Variants in ACKR2 observed in about 807,000 individuals in gnomAD.
The protein encoded by ACKR2 is C-C chemokine receptor D6.
For missense variants in ACKR2, 457 were observed against 477.3 expected (o/e 0.96, Z 0.40); for synonymous variants, 207 against 192.2 (o/e 1.08, Z -0.64).
intron 2 of ACKR2, among the ~76,000 whole-genome samples, chr3:42,858,631 CA>C (rs60893201): frequency 0.37 from 56,447 of 151,734 alleles, 11,296 homozygotes; most frequent in East Asian, 0.67. Context: ...CAAATGATCA[CA>C]ACTCCTTGCA....
At chr3:42,824,199 C>T (rs1700838204) in intron 2 of ACKR2, among the ~76,000 whole-genome samples, 1 of 152,090 alleles carries the variant, frequency 6.6e-6, no homozygotes, top group South Asian at 2.1e-4. Flanking sequence ...GGATACTCAA[C>T]CTATAATACC....
intron 2 of ACKR2, among the ~76,000 whole-genome samples, chr3:42,825,177 T>A (rs1220071350): frequency 6.6e-6 from 1 of 152,206 alleles, no homozygotes; most frequent in Non-Finnish European, 1.5e-5. Context: ...AAAGTTGTTT[T>A]GGCTATTCTG....
chr3:42,855,091 A>G (rs1362939376), intron 2 of ACKR2, among the ~76,000 whole-genome samples: 1 of 152,090 alleles, frequency 6.6e-6, no homozygotes, highest in African/African-American at 2.4e-5. Context: ...TCCTGACCTC[A>G]GGTGATCCAC....
At chr3:42,841,816 A>G (rs949619013) in intron 2 of ACKR2, 3 of 152,314 alleles carry the variant, frequency 2.0e-5, no homozygotes, top group African/African-American at 7.2e-5. Flanking sequence ...TGGGCTGGGT[A>G]GTCCAGGAAC....
chr3:42,856,081 G>A lies in ACKR2; in HGVS notation c.-37-8385G>A, dbSNP rs867297891. On this transcript the variant is annotated intron_variant, in intron 2 of 2. Coordinates refer to ENST00000422265, the MANE Select transcript of ACKR2 (RefSeq NM_001296.5). Reference sequence around the variant, plus strand: ...GCTCCCAGCACCAGCCATGTGCTAGGAGTGTCCTTACTGCTGCCCAGAAAA... The same window carrying A: ...GCTCCCAGCACCAGCCATGTGCTAGAAGTGTCCTTACTGCTGCCCAGAAAA... 24 of 380,818 alleles carry A rather than the reference G, an allele frequency of 6.3e-5. No individual in the cohort carries two copies. In the South Asian group the frequency reaches 1.4e-3, roughly 22 times the overall value. 23.6% of individuals were successfully genotyped at this position (380,818 alleles called of 1,614,324 possible).
In ACKR2 at chr3:42,861,038, G is replaced by A. The variant is rs571181154; in HGVS notation, c.-37-3428G>A. The stretch of plus-strand genomic sequence containing the variant: ...AGAGCAGAACTGAAGGAGAGAGAGA[G>A]ATGAAAAACCCTTCAAAAAATCAAT... On this transcript the variant is annotated intron_variant, in intron 2 of 2. Coordinates refer to ENST00000422265, the MANE Select transcript of ACKR2 (RefSeq NM_001296.5). 2.6e-5 allele frequency among the ~76,000 whole-genome samples: 4 copies of A among 151,182 alleles called. No individual in the cohort carries two copies. In the East Asian group the frequency reaches 5.8e-4, roughly 22 times the overall value.
intron 1 of ACKR2, among the ~76,000 whole-genome samples, chr3:42,819,321 A>G (rs1012458268): frequency 1.3e-5 from 2 of 152,206 alleles, no homozygotes; most frequent in African/African-American, 4.8e-5. Context: ...CTATATTTGT[A>G]TAAGTATGGG....
At chr3:42,842,036 G>C (rs533270243) in intron 2 of ACKR2, among the ~76,000 whole-genome samples, 5 of 152,166 alleles carry the variant, frequency 3.3e-5, no homozygotes, top group African/African-American at 1.2e-4. Flanking sequence ...TGACCCTACC[G>C]CTTCATAGGG....
intron 2 of ACKR2, among the ~76,000 whole-genome samples, chr3:42,825,605 G>A (rs1012215235): frequency 3.3e-5 from 5 of 151,314 alleles, no homozygotes; most frequent in African/African-American, 1.2e-4. Context: ...GTGTGTGCGT[G>A]TGTGTGTGTG....
intron 2 of ACKR2, among the ~76,000 whole-genome samples, chr3:42,823,106 T>A (rs1193236928): frequency 6.6e-6 from 1 of 152,234 alleles, no homozygotes; most frequent in African/African-American, 2.4e-5. Context: ...CCACATGGTC[T>A]AGGCTGTGCC....
intron 2 of ACKR2, among the ~76,000 whole-genome samples, chr3:42,863,665 G>A (rs1575394517): frequency 6.6e-6 from 1 of 152,302 alleles, no homozygotes; most frequent in Non-Finnish European, 1.5e-5. Flanking sequence ...ACACAGCATG[G>A]AATACTATGC....
intron 2 of ACKR2, among the ~76,000 whole-genome samples, chr3:42,820,367 A>G (rs1043462147): frequency 6.6e-6 from 1 of 152,096 alleles, no homozygotes; most frequent in Admixed American, 6.5e-5. Flanking sequence ...TCTGAGGCGG[A>G]TGGATCACGA....
chr3:42,846,125 A>G (rs922539244), intron 2 of ACKR2, among the ~76,000 whole-genome samples: 1 of 152,000 alleles, frequency 6.6e-6, no homozygotes, highest in African/African-American at 2.4e-5. Context: ...TAATACATGT[A>G]ATGCACTTGA....
chr3:42,863,673 T>C (rs1181925701), intron 2 of ACKR2, among the ~76,000 whole-genome samples: 1 of 152,224 alleles, frequency 6.6e-6, no homozygotes, highest in Non-Finnish European at 1.5e-5. Flanking sequence ...TGGAATACTA[T>C]GCAGCCATAA....
intron 2 of ACKR2, among the ~76,000 whole-genome samples, chr3:42,825,153 C>T (rs1339772810): frequency 6.6e-6 from 1 of 152,130 alleles, no homozygotes; most frequent in African/African-American, 2.4e-5. Context: ...GTGAGTCCAA[C>T]TTTGTCCTTT....
chr3:42,843,602 G>T (rs1248727629), intron 2 of ACKR2, among the ~76,000 whole-genome samples: 1 of 152,118 alleles, frequency 6.6e-6, no homozygotes, highest in Non-Finnish European at 1.5e-5. Flanking sequence ...GTCTAGCAGG[G>T]TGGTCTCCAT....
chr3:42,863,958 T>C (rs1447784100), intron 2 of ACKR2, among the ~76,000 whole-genome samples: 1 of 152,214 alleles, frequency 6.6e-6, no homozygotes, highest in Non-Finnish European at 1.5e-5. Flanking sequence ...TATATACCTA[T>C]GTAACAAACC....
At position 42,865,084 on chromosome 3, in the gene ACKR2, C is replaced by T. The variant is rs751123143; in HGVS notation, c.582C>T (p.Asn194=). ...QTHENPKGVW[N]CHADFGGHGT... is the part of the protein sequence containing the mutation. Reference sequence around the variant, plus strand: ...ATGAAAATCCCAAGGGTGTGTGGAACTGCCACGCAGATTTCGGCGGGCATG... The same window carrying T: ...ATGAAAATCCCAAGGGTGTGTGGAATTGCCACGCAGATTTCGGCGGGCATG... Residue 194 remains asparagine (N), a synonymous_variant, in exon 3 of 3, where the codon AAC becomes AAT. Coordinates refer to ENST00000422265, the MANE Select transcript of ACKR2 (RefSeq NM_001296.5). 1.3e-5 allele frequency: 21 copies of T among 1,613,922 alleles called. No homozygotes were observed. The highest frequency in any genetic ancestry group is 1.7e-5 in the Admixed American group (1 of 59,990).
rs544491741 is a variant in ACKR2, at chr3:42,825,353, C to T, written c.-38+5642C>T. 2.0e-5 allele frequency among the ~76,000 whole-genome samples: 3 copies of T among 152,184 alleles called. No homozygotes were observed. In the South Asian group the frequency reaches 6.2e-4, roughly 32 times the overall value. On this transcript the variant is annotated intron_variant, in intron 2 of 2. Transcript: ENST00000422265. ...AATCCGTGAACATGAAATGTAATTCCACTTACTTAGGTCTACTTTAATTTC... is the reference window on the plus strand; with the variant it reads ...AATCCGTGAACATGAAATGTAATTCTACTTACTTAGGTCTACTTTAATTTC...
Sources: allele counts gnomAD v4.1 joint callset (sites outside exome capture counted in the v4.1 genomes callset), GRCh38; gene constraint gnomAD v4.1.1; transcripts MANE v1.5; gene names NCBI Gene and HGNC (gene_info 2026-07-23, HGNC 2026-07-21).